Variants in OR5B21 observed in about 807,000 individuals in gnomAD.
OR5B21 encodes olfactory receptor family 5 subfamily B member 21, also known as olfactory receptor 5B21.
For synonymous variants in OR5B21, 151 were observed against 143.3 expected, an observed-to-expected ratio of 1.05 and a Z score of -0.38; for missense variants, 372 against 375.7, an observed-to-expected ratio of 0.99 and a Z score of 0.08.
Position 58,507,701 on chromosome 11 carries a change from T to A in OR5B21, c.405A>T (p.Thr135=), listed in dbSNP as rs767016844. Residue 135 remains threonine (T), a synonymous_variant, in exon 1 of 1, where the codon ACA becomes ACT. Transcript: ENST00000360374. ...CRPLHYTTTM[T]AGVCALLATG... is the part of the protein sequence containing the mutation. ...TAGCAAGGAGGGCACACACACCTGC[T>A]GTCATGGTGGTGGTGTAATGAAGAG... 26 of 1,613,988 alleles carry A rather than the reference T, an allele frequency of 1.6e-5. No homozygotes were observed. Among genetic ancestry groups the A allele is most frequent in the Non-Finnish European group, 2.2e-5 (26 of 1,180,004 alleles).
rs1359278071 is a variant in OR5B21 at position 58,507,484 on chromosome 11, G to C, written c.622C>G (p.Leu208Val). 8.1e-6 allele frequency: 13 copies of C among 1,614,134 alleles called. No individual in the cohort carries two copies. The highest frequency in any genetic ancestry group is 2.7e-5 in the African/African-American group (2 of 75,054). ...FVAGFNVFFT[L>V]LVILISYFFI... is the part of the protein sequence containing the mutation. The stretch of plus-strand genomic sequence containing the variant: ...AAGTAAGAAATAAGGATGACCAGGA[G>C]GGTGAAAAAGACGTTGAAGCCTGCC... The change falls in exon 1 of 1, where the codon CTC becomes GTC. Residue 208 changes from leucine (L) to valine (V), a missense_variant. Leu to Val is a conservative substitution (Grantham distance 32). Coordinates refer to ENST00000360374, the MANE Select transcript of OR5B21 (RefSeq NM_001005218.3).
Position 58,507,733 on chromosome 11 carries a change from A to G in OR5B21, c.373T>C (p.Cys125Arg). 1 of 1,614,204 alleles carries G rather than the reference A, an allele frequency of 6.2e-7. No homozygotes were observed. The highest frequency in any genetic ancestry group is 8.5e-7 in the Non-Finnish European group (1 of 1,180,038). The stretch of plus-strand genomic sequence containing the variant: ...GTGGTGGTGTAATGAAGAGGCCTAC[A>G]TACCGCTGCATGGCGATCATAGGCC... Reference protein sequence around the residue: ...SMAYDRHAAVCRPLHYTTTMT... With the variant: ...SMAYDRHAAVRRPLHYTTTMT... The change falls in exon 1 of 1, where the codon TGT becomes CGT. Residue 125 changes from cysteine (C) to arginine (R), a missense_variant. Transcript: ENST00000360374.
Position 58,508,096 on chromosome 11 carries a change from T to G in OR5B21, c.10A>C (p.Ser4Arg). The change falls in exon 1 of 1, where the codon AGC (serine) becomes CGC (arginine). Residue 4 changes from serine (S) to arginine (R), a missense_variant. Transcript: ENST00000360374. MEN[S>R]TEVTEFILLG... is the part of the protein sequence containing the mutation. ...AGGATAAACTCTGTCACTTCTGTGC[T>G]ATTCTCCATTGTGGCCAGCTTGAAT... 1.9e-6 allele frequency: 3 copies of G among 1,611,422 alleles called. No homozygotes were observed. The South Asian group carries it at 3.3e-5, about 18-fold the overall frequency.
At position 58,507,784 on chromosome 11, in the gene OR5B21, C is replaced by A. The variant is rs1368074720; in HGVS notation, c.322G>T (p.Val108Phe). ...QFFFFVGFAT[V>F]ECYLLASMAY... ...ATGGAGGCCAGGAGGTAGCACTCAACAGTGGCAAACCCCACAAAGAAGAAG... is the reference window on the plus strand; with the variant it reads ...ATGGAGGCCAGGAGGTAGCACTCAAAAGTGGCAAACCCCACAAAGAAGAAG... The change falls in exon 1 of 1, where the codon GTT becomes TTT. Residue 108 changes from valine (V) to phenylalanine (F), a missense_variant. Val to Phe is a conservative substitution (Grantham distance 50, BLOSUM62 -1). Coordinates refer to ENST00000360374, the MANE Select transcript of OR5B21 (RefSeq NM_001005218.3). 1 of 1,614,126 alleles carries A rather than the reference C, an allele frequency of 6.2e-7. No homozygotes were observed. Among genetic ancestry groups the A allele is most frequent in the Admixed American group, 1.7e-5 (1 of 59,988 alleles).
chr11:58,507,384 TG>T lies in OR5B21; in HGVS notation c.721del (p.His241IlefsTer30), dbSNP rs1281604481. 6.2e-7 allele frequency: 1 copy of T among 1,614,040 alleles called. No homozygotes were observed. Among genetic ancestry groups the T allele is most frequent in the Admixed American group, 1.7e-5 (1 of 59,998 alleles). ...ATAGAAGATGGACAAAGCAGTGAGA[TG>T]GGAAGCACAGGTGGAGAAGACTTTC... ...QKKVFSTCAS[H>X]LTALSIFYGT... On this transcript the variant is annotated frameshift_variant, in exon 1 of 1. Transcript: ENST00000360374. LOFTEE classifies it low-confidence loss of function (END_TRUNC).
Position 58,507,930 on chromosome 11 carries a change from A to G in OR5B21, c.176T>C (p.Phe59Ser). The change falls in exon 1 of 1, where the codon TTT becomes TCT. Residue 59 changes from phenylalanine to serine, a missense_variant. Transcript: ENST00000360374. ...SDSHLHTPMY[F>S]FLSNLSLVDL... ...TACAAGGGAGAGGTTACTGAGGAAA[A>G]AGTACATTGGAGTGTGGAGATGGGA... 1.2e-6 allele frequency: 2 copies of G among 1,614,130 alleles called. No individual in the cohort carries two copies. The highest frequency in any genetic ancestry group is 1.7e-6 in the Non-Finnish European group (2 of 1,180,018).
rs376076638 is a variant in OR5B21 at position 58,507,627 on chromosome 11, C to T, written c.479G>A (p.Gly160Asp). The change falls in exon 1 of 1, where the codon GGC (glycine) becomes GAC (aspartate). Residue 160 changes from glycine to aspartate, a missense_variant. Gly to Asp is a moderately conservative substitution (Grantham distance 94). Coordinates refer to ENST00000360374, the MANE Select transcript of OR5B21 (RefSeq NM_001005218.3). ...ACCACAGAAGGAGAGTCTGAAGGTG[C>T]CTGCTGCATGGATAGAGGCATTGAG... ...GFLNASIHAA[G>D]TFRLSFCGSN... is the part of the protein sequence containing the mutation. 3.1e-6 allele frequency: 5 copies of T among 1,613,964 alleles called. No individual in the cohort carries two copies. Among genetic ancestry groups the T allele is most frequent in the African/African-American group, 1.3e-5 (1 of 74,890 alleles).
rs1033720708 is a variant in OR5B21, at chr11:58,507,750, T to C, written c.356A>G (p.Asp119Gly). ...AGGCCTACATACCGCTGCATGGCGA[T>C]CATAGGCCATGGAGGCCAGGAGGTA... Reference protein sequence around the residue: ...ECYLLASMAYDRHAAVCRPLH... With the variant: ...ECYLLASMAYGRHAAVCRPLH... The change falls in exon 1 of 1, where the codon GAT (aspartate) becomes GGT (glycine). Residue 119 changes from aspartate (D) to glycine (G), a missense_variant. Asp to Gly is a moderately conservative substitution (Grantham distance 94, BLOSUM62 -1). Coordinates refer to ENST00000360374, the MANE Select transcript of OR5B21 (RefSeq NM_001005218.3). 6.2e-7 allele frequency: 1 copy of C among 1,614,062 alleles called. No individual in the cohort carries two copies. Among genetic ancestry groups the C allele is most frequent in the Non-Finnish European group, 8.5e-7 (1 of 1,180,002 alleles).
Position 58,507,448 on chromosome 11 carries a change from T to C in OR5B21, c.658A>G (p.Ile220Val), listed in dbSNP as rs1853063364. The change falls in exon 1 of 1, where the codon ATC (isoleucine) becomes GTC (valine). Residue 220 changes from isoleucine (I) to valine (V), a missense_variant. Physicochemically the swap from Ile to Val is conservative, Grantham distance 29. Coordinates refer to ENST00000360374, the MANE Select transcript of OR5B21 (RefSeq NM_001005218.3). Reference protein sequence around the residue: ...VILISYFFICITIQRMHSAEG... With the variant: ...VILISYFFICVTIQRMHSAEG... ...GCAGAATGCATCCTCTGAATGGTGA[T>C]GCATATGAAGAAGTAAGAAATAAGG... is the stretch of plus-strand genomic sequence containing the variant. The C allele has an allele frequency of 1.2e-6, 2 of 1,614,078 alleles. No homozygotes were observed. Among genetic ancestry groups the C allele is most frequent in the South Asian group, 2.2e-5 (2 of 91,072 alleles).
chr11:58,507,996 A>G lies in OR5B21; in HGVS notation c.110T>C (p.Leu37Pro). The change falls in exon 1 of 1, where the codon CTG becomes CCG. Residue 37 changes from leucine to proline, a missense_variant. Coordinates refer to ENST00000360374, the MANE Select transcript of OR5B21 (RefSeq NM_001005218.3). ...CACCATCATTCCCCCATTCCCAAGC[A>G]GGGTGATGAGGTAGATGAATAAAAA... The part of the protein sequence containing the change: ...LAFLFIYLIT[L>P]LGNGGMMVII... 1 of 1,614,102 alleles carries G rather than the reference A, an allele frequency of 6.2e-7. No homozygotes were observed. Among genetic ancestry groups the G allele is most frequent in the Non-Finnish European group, 8.5e-7 (1 of 1,179,980 alleles).
Position 58,507,323 on chromosome 11 carries a change from G to A in OR5B21, c.783C>T (p.Ser261=), listed in dbSNP as rs1223078818. ...TTTTGTCTGTGTCCACGGACTGGCT[G>A]GAGTTGGGCTGTAAGTACATGAAGA... ...TIIFMYLQPN[S]SQSVDTDKIA... is the part of the protein sequence containing the mutation. Residue 261 remains serine, a synonymous_variant, in exon 1 of 1, where the codon TCC becomes TCT. Transcript: ENST00000360374. 3.1e-6 allele frequency: 5 copies of A among 1,614,034 alleles called. No homozygotes were observed.
Position 58,507,921 on chromosome 11 carries a change from CT to C in OR5B21, c.184del (p.Ser62ValfsTer6), listed in dbSNP as rs1565175987. ...ACCCAAGTCTACAAGGGAGAGGTTACTGAGGAAAAAGTACATTGGAGTGTGG... is the reference window on the plus strand; with the variant it reads ...ACCCAAGTCTACAAGGGAGAGGTTACGAGGAAAAAGTACATTGGAGTGTGG... ...HLHTPMYFFL[S>X]NLSLVDLGYS... On this transcript the variant is annotated frameshift_variant, in exon 1 of 1. Coordinates refer to ENST00000360374, the MANE Select transcript of OR5B21 (RefSeq NM_001005218.3). LOFTEE classifies it low-confidence loss of function (END_TRUNC). 6.2e-7 allele frequency: 1 copy of C among 1,614,092 alleles called. No individual in the cohort carries two copies. Among genetic ancestry groups the C allele is most frequent in the Non-Finnish European group, 8.5e-7 (1 of 1,179,998 alleles).
Position 58,508,036 on chromosome 11 carries a change from G to GA in OR5B21, c.69_70insT (p.Pro24SerfsTer40). On this transcript the variant is annotated frameshift_variant, in exon 1 of 1. Coordinates refer to ENST00000360374, the MANE Select transcript of OR5B21 (RefSeq NM_001005218.3). LOFTEE classifies it low-confidence loss of function (END_TRUNC). ...ATGAATAAAAATGCCAGGAGGAGGG[G>GA]TATCTGAAGATTGGGGTCATCTGTT... 1 of 1,614,074 alleles carries GA rather than the reference G, an allele frequency of 6.2e-7. No individual in the cohort carries two copies. The highest frequency in any genetic ancestry group is 8.5e-7 in the Non-Finnish European group (1 of 1,179,986).
chr11:58,507,722 A>T lies in OR5B21; in HGVS notation c.384T>A (p.Leu128=). 6.2e-7 allele frequency: 1 copy of T among 1,614,174 alleles called. No homozygotes were observed. Among genetic ancestry groups the T allele is most frequent in the South Asian group, 1.1e-5 (1 of 91,090 alleles). The change falls in exon 1 of 1, where the codon CTT becomes CTA. Residue 128 remains leucine, a synonymous_variant. Coordinates refer to ENST00000360374, the MANE Select transcript of OR5B21 (RefSeq NM_001005218.3). ...YDRHAAVCRP[L]HYTTTMTAGV... is the part of the protein sequence containing the mutation. ...CTGCTGTCATGGTGGTGGTGTAATGAAGAGGCCTACATACCGCTGCATGGC... is the reference window on the plus strand; with the variant it reads ...CTGCTGTCATGGTGGTGGTGTAATGTAGAGGCCTACATACCGCTGCATGGC...
rs1461880325 is a variant in OR5B21, at chr11:58,507,716, G to A, written c.390C>T (p.Tyr130=). ...ACACACCTGCTGTCATGGTGGTGGT[G>A]TAATGAAGAGGCCTACATACCGCTG... The part of the protein sequence containing the change: ...RHAAVCRPLH[Y]TTTMTAGVCA... The change falls in exon 1 of 1, where the codon TAC becomes TAT. Residue 130 remains tyrosine (Y), a synonymous_variant. Transcript: ENST00000360374. 1.2e-6 allele frequency: 2 copies of A among 1,614,190 alleles called. No homozygotes were observed. The highest frequency in any genetic ancestry group is 8.5e-7 in the Non-Finnish European group (1 of 1,180,028).
chr11:58,507,564 G>C lies in OR5B21; in HGVS notation c.542C>G (p.Pro181Arg), dbSNP rs143737250. The C allele has an allele frequency of 2.4e-5, 38 of 1,613,990 alleles. No homozygotes were observed. The African/African-American group carries it at 4.7e-4, about 20-fold the overall frequency. Residue 181 changes from proline (P) to arginine (R), a missense_variant, in exon 1 of 1, where the codon CCA becomes CGA. Pro to Arg is a moderately radical substitution (Grantham distance 103). Transcript: ENST00000360374. ...GTCAGAGCATGAGAGAGCCAGGAGT[G>C]GGGGAATGTCACAGAAGAAATGATT... ...EINHFFCDIP[P>R]LLALSCSDTR...
At position 58,507,765 on chromosome 11, in the gene OR5B21, G is replaced by A. The variant is rs1565175880; in HGVS notation, c.341C>T (p.Ala114Val). The change falls in exon 1 of 1, where the codon GCC becomes GTC. Residue 114 changes from alanine to valine, a missense_variant. Physicochemically the swap from Ala to Val is moderately conservative, Grantham distance 64. Coordinates refer to ENST00000360374, the MANE Select transcript of OR5B21 (RefSeq NM_001005218.3). ...TGCATGGCGATCATAGGCCATGGAG[G>A]CCAGGAGGTAGCACTCAACAGTGGC... ...GFATVECYLLASMAYDRHAAV... is the reference protein window; with the variant it reads ...GFATVECYLLVSMAYDRHAAV... 3 of 1,614,022 alleles carry A rather than the reference G, an allele frequency of 1.9e-6. No individual in the cohort carries two copies. The highest frequency in any genetic ancestry group is 2.5e-6 in the Non-Finnish European group (3 of 1,180,032).
In OR5B21 at chr11:58,508,100, C is replaced by G. The variant is rs758203429; in HGVS notation, c.6G>C (p.Glu2Asp). 6.2e-7 allele frequency: 1 copy of G among 1,610,726 alleles called. No individual in the cohort carries two copies. The highest frequency in any genetic ancestry group is 8.5e-7 in the Non-Finnish European group (1 of 1,177,728). ...TAAACTCTGTCACTTCTGTGCTATT[C>G]TCCATTGTGGCCAGCTTGAATTAGC... M[E>D]NSTEVTEFIL... is the part of the protein sequence containing the mutation. The change falls in exon 1 of 1, where the codon GAG becomes GAC. Residue 2 changes from glutamate (E) to aspartate (D), a missense_variant. Glu to Asp is a conservative substitution (Grantham distance 45, BLOSUM62 2). Transcript: ENST00000360374.
In OR5B21 at chr11:58,507,344, G is replaced by T; in HGVS notation, c.762C>A (p.Phe254Leu). 6.2e-7 allele frequency: 1 copy of T among 1,614,170 alleles called. No individual in the cohort carries two copies. The highest frequency in any genetic ancestry group is 8.5e-7 in the Non-Finnish European group (1 of 1,179,998). Reference protein sequence around the residue: ...ALSIFYGTIIFMYLQPNSSQS... With the variant: ...ALSIFYGTIILMYLQPNSSQS... ...GGCTGGAGTTGGGCTGTAAGTACAT[G>T]AAGATGATTGTGCCATAGAAGATGG... Residue 254 changes from phenylalanine (F) to leucine (L), a missense_variant, in exon 1 of 1, where the codon TTC becomes TTA. Transcript: ENST00000360374.
Sources: allele counts gnomAD v4.1 joint callset, GRCh38; gene constraint gnomAD v4.1.1; transcripts MANE v1.5; gene names NCBI Gene and HGNC (gene_info 2026-07-23, HGNC 2026-07-21).